AGAP1: variants seen among roughly 807,000 people sequenced by gnomAD.
AGAP1 encodes ArfGAP with GTPase domain, ankyrin repeat and PH domain 1, also known as arf-GAP with GTPase, ANK repeat and PH domain-containing protein 1.
Under a neutral mutation model 105.3 loss-of-function variants are expected in AGAP1, and 29 were observed. That is an observed-to-expected ratio of 0.28 (90% CI 0.21 to 0.38). The LOEUF is 0.38. Ranked by LOEUF, AGAP1 falls within the 10% of genes least tolerant of loss-of-function variation. AGAP1 has a pLI of 1.00. For synonymous variants in AGAP1, 509 were observed against 485.9 expected (o/e 1.05, Z -0.63); for missense variants, 998 against 1,165.1 (o/e 0.86, Z 2.09).
chr2:235,598,870 C>A (rs970702449), intron 1 of AGAP1, among the ~76,000 whole-genome samples: 2 of 152,046 alleles, frequency 1.3e-5, no homozygotes, highest in Non-Finnish European at 2.9e-5. Flanking sequence ...AAAATGAAAA[C>A]CCATTTAAAA....
chr2:235,956,276 C>T (rs970891028), intron 12 of AGAP1, among the ~76,000 whole-genome samples: 9 of 152,116 alleles, frequency 5.9e-5, no homozygotes, highest in Admixed American at 1.3e-4. Flanking sequence ...CGGAGTTCAC[C>T]GTATTAATTT....
intron 16 of AGAP1, among the ~76,000 whole-genome samples, chr2:236,088,949 G>A (rs1325141232): frequency 1.1e-4 from 16 of 152,122 alleles, no homozygotes; most frequent in Admixed American, 1.0e-3. Context: ...AAGACACACG[G>A]GGCTGAAATC....
chr2:235,513,789 C>T (rs957733421), intron 1 of AGAP1, among the ~76,000 whole-genome samples: 1 of 152,120 alleles, frequency 6.6e-6, no homozygotes, highest in African/African-American at 2.4e-5. Context: ...AGATAGAGGA[C>T]CACCCAGCTG....
chr2:235,745,885 T>TG (rs1362368584), intron 5 of AGAP1, among the ~76,000 whole-genome samples: 1 of 152,200 alleles, frequency 6.6e-6, no homozygotes, highest in Non-Finnish European at 1.5e-5. Flanking sequence ...TCCAGCACTT[T>TG]GGGAGGCCCA....
intron 15 of AGAP1, among the ~76,000 whole-genome samples, chr2:236,041,837 G>C (rs2057557928): frequency 6.6e-6 from 1 of 152,190 alleles, no homozygotes; most frequent in Admixed American, 6.5e-5. Context: ...AGCCATCGGG[G>C]GCATGCGGCG....
intron 9 of AGAP1, among the ~76,000 whole-genome samples, chr2:235,839,906 TTA>T (rs1196687347): frequency 6.6e-6 from 1 of 152,176 alleles, no homozygotes; most frequent in African/African-American, 2.4e-5. Flanking sequence ...TGAGAGACTC[TTA>T]TAAAGAATTA....
rs2054260580 is a variant in AGAP1, at chr2:235,963,203, T to C, written c.1484-5259T>C. On this transcript the variant is annotated intron_variant, in intron 12 of 17. Transcript: ENST00000304032. The surrounding 1 kb of genome is among the most constrained non-coding windows in gnomAD (Gnocchi z 5.1). Reference sequence around the variant, plus strand: ...CAAGAGAATTATAAATATTGCAAGATATGGAGAAAGCTTAGAAATGAGAGG... The same window carrying C: ...CAAGAGAATTATAAATATTGCAAGACATGGAGAAAGCTTAGAAATGAGAGG... Among the ~76,000 whole-genome samples, 1 of 152,078 alleles carries C rather than the reference T, an allele frequency of 6.6e-6. No individual in the cohort carries two copies. Among genetic ancestry groups the C allele is most frequent in the Non-Finnish European group, 1.5e-5 (1 of 68,024 alleles).
intron 16 of AGAP1, among the ~76,000 whole-genome samples, chr2:236,070,182 T>C (rs532671513): frequency 6.6e-6 from 1 of 152,368 alleles, no homozygotes; most frequent in Admixed American, 6.5e-5. Flanking sequence ...CTCAGTTTCC[T>C]CCTCTGGAAG....
intron 13 of AGAP1, among the ~76,000 whole-genome samples, chr2:236,010,109 T>C (rs1286183466): frequency 1.5e-4 from 20 of 132,030 alleles, no homozygotes; most frequent in Non-Finnish European, 2.7e-4. Context: ...CATTCACATG[T>C]GTTAGTAAAA....
At chr2:235,823,564 T>TGGAA (rs1958916379) in intron 9 of AGAP1, among the ~76,000 whole-genome samples, 1 of 152,200 alleles carries the variant, frequency 6.6e-6, no homozygotes, top group African/African-American at 2.4e-5. Context: ...GGTAAAGAGC[T>TGGAA]TGCTCAAGGT....
intron 12 of AGAP1, among the ~76,000 whole-genome samples, chr2:235,932,239 G>C (rs1391199207): frequency 6.6e-6 from 1 of 152,194 alleles, no homozygotes; most frequent in Non-Finnish European, 1.5e-5. Context: ...AGGCAGCCTA[G>C]GATGAGCCTC....
At chr2:235,972,320 A>G (rs909908502) in intron 13 of AGAP1, among the ~76,000 whole-genome samples, 1 of 152,176 alleles carries the variant, frequency 6.6e-6, no homozygotes, top group Non-Finnish European at 1.5e-5. Context: ...GTATAAGAAA[A>G]ATAGAATTCC....
intron 1 of AGAP1, among the ~76,000 whole-genome samples, chr2:235,681,815 A>AG: frequency 1.4e-5 from 2 of 147,748 alleles, no homozygotes; most frequent in Middle Eastern, 3.6e-3. Context: ...TGTATACCTA[A>AG]GTCCTATAAA....
At chr2:235,821,415 G>A (rs565141538) in intron 9 of AGAP1, among the ~76,000 whole-genome samples, 6 of 142,628 alleles carry the variant, frequency 4.2e-5, no homozygotes, top group African/African-American at 1.6e-4. Context: ...ACGGGGTCTC[G>A]CTCTGTCACC....
Position 235,882,087 on chromosome 2 carries a change from GT to G in AGAP1, c.1051-1255del, listed in dbSNP as rs1409415422. On this transcript the variant is annotated intron_variant, in intron 9 of 17. Transcript: ENST00000304032. The surrounding 1 kb of genome is among the most constrained non-coding windows in gnomAD (Gnocchi z 4.6). The stretch of plus-strand genomic sequence containing the variant: ...GTTTTGTTTTGGTGGGTTTTTTTGT[GT>G]TTGGTTGTTTTTGTTTTTGTTCTTT... 1.3e-5 allele frequency among the ~76,000 whole-genome samples: 2 copies of G among 152,026 alleles called. No homozygotes were observed. The highest frequency in any genetic ancestry group is 2.9e-5 in the Non-Finnish European group (2 of 68,002).
chr2:236,029,477 G>C (rs2057159893), intron 13 of AGAP1, among the ~76,000 whole-genome samples: 1 of 151,272 alleles, frequency 6.6e-6, no homozygotes, highest in African/African-American at 2.4e-5. Flanking sequence ...GTAGAGATGG[G>C]GTTTTGCCAT....
chr2:236,067,669 G>C (rs187627690), intron 16 of AGAP1, among the ~76,000 whole-genome samples: 1 of 152,172 alleles, frequency 6.6e-6, no homozygotes, highest in Non-Finnish European at 1.5e-5. Flanking sequence ...GGAGTAACAC[G>C]TATTGGAAGA....
intron 9 of AGAP1, among the ~76,000 whole-genome samples, chr2:235,850,812 A>G (rs2048411506): frequency 6.6e-6 from 1 of 152,154 alleles, no homozygotes; most frequent in Non-Finnish European, 1.5e-5. Context: ...GGGGAATTCC[A>G]TGGCCCACCC....
chr2:235,746,062 G>T (rs1952904179), intron 5 of AGAP1, among the ~76,000 whole-genome samples: 1 of 152,136 alleles, frequency 6.6e-6, no homozygotes, highest in Non-Finnish European at 1.5e-5. Flanking sequence ...GGAAGCAGAG[G>T]TTGCAGTGAG....
Sources: allele counts gnomAD v4.1 joint callset (sites outside exome capture counted in the v4.1 genomes callset), GRCh38; gene constraint gnomAD v4.1.1; non-coding constraint Gnocchi (gnomAD v3.1); transcripts MANE v1.5; gene names NCBI Gene and HGNC (gene_info 2026-07-23, HGNC 2026-07-21).